The following MACROD2 variants were observed in gnomAD, a reference collection of about 807,000 sequenced individuals.
MACROD2 encodes ADP-ribose glycohydrolase MACROD2.
Under a neutral mutation model 70.4 loss-of-function variants are expected in MACROD2, and 36 were observed. That is an observed-to-expected ratio of 0.51 (90% CI 0.39 to 0.68). The LOEUF is 0.68. Ranked by LOEUF, MACROD2 falls within the 30% of genes least tolerant of loss-of-function variation. MACROD2 has a pLI of 0.00. For synonymous variants in MACROD2, 172 were observed against 178.8 expected (o/e 0.96, Z 0.30); for missense variants, 496 against 538.4 (o/e 0.92, Z 0.78).
chr20:15,657,874 AC>A (rs1166828711), intron 8 of MACROD2, among the ~76,000 whole-genome samples: 1 of 152,044 alleles, frequency 6.6e-6, no homozygotes, highest in African/African-American at 2.4e-5. Context: ...TGCCTGTAAT[AC>A]CCCGCTACTT....
At chr20:15,181,652 C>T (rs2076501771) in intron 5 of MACROD2, among the ~76,000 whole-genome samples, 1 of 152,096 alleles carries the variant, frequency 6.6e-6, no homozygotes, top group African/African-American at 2.4e-5. Flanking sequence ...ATTTGGATAG[C>T]ATGCTTGGAT....
chr20:15,092,150 TA>T (rs901380176), intron 5 of MACROD2, among the ~76,000 whole-genome samples: 38 of 152,206 alleles, frequency 2.5e-4, no homozygotes, highest in African/African-American at 8.9e-4. Context: ...ATGTGAAAGC[TA>T]AGCTGGTTTG....
intron 5 of MACROD2, among the ~76,000 whole-genome samples, chr20:15,105,584 G>A (rs2075904615): frequency 6.6e-6 from 1 of 152,090 alleles, no homozygotes; most frequent in African/African-American, 2.4e-5. Context: ...CCCTCTAACA[G>A]TGTTAGAGGC....
At chr20:14,457,722 G>A (rs1294960499) in intron 3 of MACROD2, among the ~76,000 whole-genome samples, 1 of 152,144 alleles carries the variant, frequency 6.6e-6, no homozygotes, top group African/African-American at 2.4e-5. Context: ...ATGATGATCC[G>A]TTAATGATGT....
chr20:14,693,470 A>AT (rs1443905279), intron 5 of MACROD2, among the ~76,000 whole-genome samples: 3 of 151,942 alleles, frequency 2.0e-5, no homozygotes, highest in Admixed American at 6.6e-5. Context: ...AAAAGTGTAG[A>AT]TTTTTTTTCT....
chr20:15,103,551 T>C (rs1380410465), intron 5 of MACROD2, among the ~76,000 whole-genome samples: 1 of 152,154 alleles, frequency 6.6e-6, no homozygotes, highest in African/African-American at 2.4e-5. Flanking sequence ...GAAAATTCTG[T>C]TGGACCATTA....
chr20:15,000,798 C>T (rs535598082), intron 5 of MACROD2, among the ~76,000 whole-genome samples: 18 of 152,124 alleles, frequency 1.2e-4, no homozygotes, highest in Non-Finnish European at 2.1e-4. Flanking sequence ...GAAAATTTGA[C>T]GTAGTCTGAC....
chr20:15,088,125 A>G (rs894525073), intron 5 of MACROD2, among the ~76,000 whole-genome samples: 1 of 151,876 alleles, frequency 6.6e-6, no homozygotes, highest in Non-Finnish European at 1.5e-5. Flanking sequence ...AAATAATGCC[A>G]GTGCTCATTT....
intron 5 of MACROD2, among the ~76,000 whole-genome samples, chr20:15,121,685 A>T (rs1423892166): frequency 1.3e-5 from 2 of 152,090 alleles, no homozygotes; most frequent in Non-Finnish European, 2.9e-5. Flanking sequence ...TTTGTTATTT[A>T]TCTTCATTTT....
intron 5 of MACROD2, among the ~76,000 whole-genome samples, chr20:14,872,232 G>A (rs2073497040): frequency 1.3e-5 from 2 of 152,160 alleles, no homozygotes; most frequent in Non-Finnish European, 2.9e-5. Context: ...CAGTTGTTGT[G>A]AGCATTGACA....
chr20:14,170,965 CT>C (rs548594769), intron 3 of MACROD2, among the ~76,000 whole-genome samples: 119 of 152,214 alleles, frequency 7.8e-4, no homozygotes, highest in African/African-American at 2.6e-3. Context: ...GTGAATCCAT[CT>C]TGTCTTGGGC....
chr20:14,962,062 C>G (rs2074588039), intron 5 of MACROD2, among the ~76,000 whole-genome samples: 1 of 152,188 alleles, frequency 6.6e-6, no homozygotes, highest in African/African-American at 2.4e-5. Context: ...ACTGCAACCT[C>G]TGCTTCCCAG....
chr20:16,014,022 A>G (rs2066898684), intron 15 of MACROD2, among the ~76,000 whole-genome samples: 1 of 152,222 alleles, frequency 6.6e-6, no homozygotes, highest in Non-Finnish European at 1.5e-5. Context: ...AGGATCGGCA[A>G]AATGAAGGGA....
chr20:15,625,080 T>C (rs1271947309), intron 8 of MACROD2, among the ~76,000 whole-genome samples: 1 of 152,196 alleles, frequency 6.6e-6, no homozygotes, highest in East Asian at 1.9e-4. Flanking sequence ...TGTTTAAATA[T>C]ATGGAATGTC....
At position 15,877,150 on chromosome 20, in the gene MACROD2, G is replaced by A. The variant is rs1015815544; in HGVS notation, c.728-8614G>A. On this transcript the variant is annotated intron_variant, in intron 9 of 17. Transcript: ENST00000684519. ...GCTCTGCCATCTTTTCTTTCTGACC[G>A]TCATCTGTGTCCATCCCAGCCCTCT... Among the ~76,000 whole-genome samples, 41 of 152,090 alleles carry A rather than the reference G, an allele frequency of 2.7e-4. 1 individual carries two copies. The highest frequency in any genetic ancestry group is 9.7e-4 in the African/African-American group (40 of 41,418).
chr20:15,507,735 C>A (rs1384420575), intron 8 of MACROD2, among the ~76,000 whole-genome samples: 4 of 152,130 alleles, frequency 2.6e-5, no homozygotes, highest in African/African-American at 9.7e-5. Context: ...GTGGACAGAT[C>A]CACCGACACT....
In MACROD2 at chr20:15,914,601, T is replaced by C. The variant is rs149316617; in HGVS notation, c.776-18675T>C. 2.1e-3 allele frequency among the ~76,000 whole-genome samples: 319 copies of C among 152,336 alleles called. 1 individual carries two copies. Among genetic ancestry groups the C allele is most frequent in the African/African-American group, 7.5e-3 (312 of 41,580 alleles). ...TAAGGACTACCACTACTATGATCTG[T>C]TTCTACTCATAATACTTCTAACATC... On this transcript the variant is annotated intron_variant, in intron 10 of 17. Transcript: ENST00000684519.
chr20:15,843,176 C>T (rs175817), intron 8 of MACROD2, among the ~76,000 whole-genome samples: 20,508 of 152,166 alleles, frequency 0.13, 1,660 homozygotes, highest in South Asian at 0.26. Context: ...AACAGAGTTG[C>T]ATGCTGATGC....
intron 4 of MACROD2, among the ~76,000 whole-genome samples, chr20:14,509,531 A>G (rs1319562555): frequency 6.6e-6 from 1 of 152,050 alleles, no homozygotes; most frequent in Non-Finnish European, 1.5e-5. Context: ...TGTAGTGATT[A>G]AGAGTGGATT....
Sources: allele counts gnomAD v4.1 joint callset (sites outside exome capture counted in the v4.1 genomes callset), GRCh38; gene constraint gnomAD v4.1.1; transcripts MANE v1.5; gene names NCBI Gene and HGNC (gene_info 2026-07-23, HGNC 2026-07-21).